The following ARK2N variants were observed in gnomAD, a reference collection of about 807,000 sequenced individuals.
The protein encoded by ARK2N is protein ARK2N.
the ARK2N span, among the ~76,000 whole-genome samples, chr18:46,189,351 C>T: frequency 9.9e-5 from 15 of 151,996 alleles, no homozygotes; most frequent in Admixed American, 3.9e-4. Context: ...TTTATTTACA[C>T]AAAAGGTGTA....
chr18:46,259,469 C>T, the ARK2N span, among the ~76,000 whole-genome samples: 2 of 151,732 alleles, frequency 1.3e-5, no homozygotes, highest in African/African-American at 4.8e-5. Flanking sequence ...GTCTTGATCT[C>T]CTGACCCCAT....
At chr18:46,208,295 A>G in the ARK2N span, among the ~76,000 whole-genome samples, 20 of 152,158 alleles carry the variant, frequency 1.3e-4, no homozygotes, top group Admixed American at 1.2e-3. Context: ...TTTGCAATCC[A>G]GGGAAAACAT....
the ARK2N span, among the ~76,000 whole-genome samples, chr18:46,196,149 T>C: frequency 4.0e-5 from 6 of 150,942 alleles, no homozygotes; most frequent in African/African-American, 1.5e-4. Flanking sequence ...CCCAGCTAAT[T>C]TTGTATTTTT....
the ARK2N span, among the ~76,000 whole-genome samples, chr18:46,192,546 C>T: frequency 6.6e-6 from 1 of 151,706 alleles, no homozygotes; most frequent in Non-Finnish European, 1.5e-5. Flanking sequence ...CACTGCATTC[C>T]AGCCTGGCGA....
the ARK2N span, among the ~76,000 whole-genome samples, chr18:46,215,324 CA>C: frequency 6.8e-6 from 1 of 146,788 alleles, no homozygotes; most frequent in East Asian, 1.9e-4. Context: ...GTCTCAAAAA[CA>C]AACAAACAAA....
At chr18:46,243,688 G>C in the ARK2N span, among the ~76,000 whole-genome samples, 8 of 152,156 alleles carry the variant, frequency 5.3e-5, no homozygotes, top group African/African-American at 1.9e-4. Flanking sequence ...TGCTGGAATT[G>C]AACACTGTAG....
the ARK2N span, among the ~76,000 whole-genome samples, chr18:46,244,601 A>ACTTTTT: frequency 4.3e-5 from 4 of 93,836 alleles, 1 homozygote; most frequent in Admixed American, 1.4e-4. Flanking sequence ...AAGAGTTTAG[A>ACTTTTT]TTTTTTTTTT....
At chr18:46,234,538 A>T in the ARK2N span, among the ~76,000 whole-genome samples, 1 of 150,620 alleles carries the variant, frequency 6.6e-6, no homozygotes, top group Non-Finnish European at 1.5e-5. Flanking sequence ...AAATATTCTG[A>T]TGTGTAATAA....
the ARK2N span, among the ~76,000 whole-genome samples, chr18:46,189,806 G>C: frequency 6.6e-6 from 1 of 152,308 alleles, no homozygotes; most frequent in South Asian, 2.1e-4. Context: ...TGATGGTGCA[G>C]TGAGTGATGA....
the ARK2N span, among the ~76,000 whole-genome samples, chr18:46,238,854 A>G: frequency 6.6e-5 from 10 of 152,316 alleles, no homozygotes; most frequent in African/African-American, 2.4e-4. Context: ...TTTATGATTC[A>G]TTGGCACAGA....
At chr18:46,263,024 G>C in the ARK2N span, 1 of 1,614,128 alleles carries the variant, frequency 6.2e-7, no homozygotes, top group Non-Finnish European at 8.5e-7. Flanking sequence ...ACACAGTCAT[G>C]GACTGCTGTG....
At chr18:46,241,755 T>G in the ARK2N span, among the ~76,000 whole-genome samples, 1 of 152,030 alleles carries the variant, frequency 6.6e-6, no homozygotes, top group East Asian at 1.9e-4. Flanking sequence ...TAATAATGCT[T>G]TATATCAGTG....
At chr18:46,224,140 T>C in the ARK2N span, among the ~76,000 whole-genome samples, 1 of 152,202 alleles carries the variant, frequency 6.6e-6, no homozygotes, top group African/African-American at 2.4e-5. Flanking sequence ...TGGAAAGTGC[T>C]GGATTATGTG....
chr18:46,266,052 A>G, the ARK2N span: 7 of 152,212 alleles, frequency 4.6e-5, no homozygotes, highest in Non-Finnish European at 1.0e-4. Context: ...TAGGGGCCAG[A>G]CTGAATGAAT....
chr18:46,183,988 T>C, the ARK2N span, among the ~76,000 whole-genome samples: 3 of 151,412 alleles, frequency 2.0e-5, no homozygotes, highest in African/African-American at 7.3e-5. Context: ...CATGCCTGGC[T>C]AATTTTTGTA....
chr18:46,255,820 CCTTTA>C, the ARK2N span, among the ~76,000 whole-genome samples: 1,512 of 151,706 alleles, frequency 1.0e-2, 26 homozygotes, highest in African/African-American at 0.034. Flanking sequence ...TTCAGTCTTT[CCTTTA>C]CTCTCTGTTT....
At chr18:46,174,578 C>T in the ARK2N span, among the ~76,000 whole-genome samples, 1 of 152,164 alleles carries the variant, frequency 6.6e-6, no homozygotes, top group Non-Finnish European at 1.5e-5. Context: ...GTTGGTGACC[C>T]TAGCGTCCTC....
chr18:46,182,941 C>A, the ARK2N span, among the ~76,000 whole-genome samples: 1 of 151,966 alleles, frequency 6.6e-6, no homozygotes, highest in East Asian at 1.9e-4. Context: ...TCCGGGTAGG[C>A]CAAATTCAGT....
the ARK2N span, among the ~76,000 whole-genome samples, chr18:46,193,232 T>C: frequency 6.6e-6 from 1 of 152,178 alleles, no homozygotes; most frequent in African/African-American, 2.4e-5. Context: ...ATCCTGACTC[T>C]ACAGTACTAC....
Sources: gnomAD v4.1 joint callset for allele counts (sites outside exome capture counted in the v4.1 genomes callset) on GRCh38, gnomAD v4.1.1 for gene constraint, MANE v1.5 for transcripts, NCBI Gene and HGNC (gene_info 2026-07-23, HGNC 2026-07-21) for gene names.